Variants in DAND5 observed in about 807,000 individuals in gnomAD.
The protein encoded by DAND5 is DAN domain family member 5.
A neutral mutation model predicts 9.2 loss-of-function variants in DAND5; 8 were observed. The ratio of observed to expected loss-of-function variants is 0.87; its 90% CI spans 0.51 to 1.56. DAND5 has a LOEUF of 1.56. Ranked by LOEUF, DAND5 falls within the 40% of genes most tolerant of loss-of-function variation. The pLI is 0.00. For missense variants in DAND5, 244 were observed against 244.7 expected (o/e 1.00, Z 0.02); for synonymous variants, 95 against 101.1 (o/e 0.94, Z 0.36).
chr19:12,972,056 ATAT>A (rs2011147986), intron 1 of DAND5, among the ~76,000 whole-genome samples: 5 of 108,854 alleles, frequency 4.6e-5, no homozygotes, highest in Non-Finnish European at 4.4e-5. Flanking sequence ...AGCCCAGCTA[ATAT>A]TTTTTTTTTT....
At chr19:12,970,089 T>C in intron 1 of DAND5, 105 bp downstream of exon 1, 2 of 1,346,232 alleles carry the variant, frequency 1.5e-6, no homozygotes, top group Admixed American at 2.4e-5. Flanking sequence ...ATCCTCCACC[T>C]GAATGTCTCG....
At position 12,973,520 on chromosome 19, in the gene DAND5, C is replaced by T. The variant is rs776471948; in HGVS notation, c.456C>T (p.Arg152=). The change falls in exon 2 of 2, where the codon CGC becomes CGT. Residue 152 remains arginine, a synonymous_variant. Transcript: ENST00000317060. Reference sequence around the variant, plus strand: ...TGTGCAACAGCTGTATGCCTGCTCGCAAGCGTTGGGCACCCGTGGTCCTGT... The same window carrying T: ...TGTGCAACAGCTGTATGCCTGCTCGTAAGCGTTGGGCACCCGTGGTCCTGT... ...LVLCNSCMPA[R]KRWAPVVLWC... The T allele has an allele frequency of 3.1e-6, 5 of 1,614,204 alleles. No homozygotes were observed. The highest frequency in any genetic ancestry group is 4.2e-6 in the Non-Finnish European group (5 of 1,180,032).
chr19:12,973,288 T>C (rs2011156122), intron 1 of DAND5, 101 bp from the exon 2 acceptor site: 2 of 1,515,354 alleles, frequency 1.3e-6, no homozygotes, highest in Non-Finnish European at 1.8e-6. Flanking sequence ...GGCTGCAGCA[T>C]CCATGCCTGT....
At chr19:12,972,574 G>T (rs527402139) in intron 1 of DAND5, among the ~76,000 whole-genome samples, 6 of 152,046 alleles carry the variant, frequency 3.9e-5, no homozygotes, top group Admixed American at 2.0e-4. Context: ...ACAGAGTCTC[G>T]CTCTGTTACC....
At chr19:12,972,106 T>C (rs1338787864) in intron 1 of DAND5, among the ~76,000 whole-genome samples, 1 of 150,140 alleles carries the variant, frequency 6.7e-6, no homozygotes, top group Non-Finnish European at 1.5e-5. Context: ...TCGCCCAGGC[T>C]GGAGTGCGGT....
chr19:12,971,145 C>T (rs1041523094), intron 1 of DAND5, among the ~76,000 whole-genome samples: 6 of 152,194 alleles, frequency 3.9e-5, no homozygotes, highest in South Asian at 4.1e-4. Context: ...CTGTTGGATG[C>T]TTCCGGGCTC....
At position 12,973,732 on chromosome 19, in the gene DAND5, CAA is replaced by C; in HGVS notation, c.*99_*100del. On this transcript the variant is annotated 3_prime_UTR_variant, in exon 2 of 2. Coordinates refer to ENST00000317060, the MANE Select transcript of DAND5 (RefSeq NM_152654.3). Reference sequence around the variant, plus strand: ...TGGACCTGGATGATGTACTCTGGGTCAAGAGACCAGGGATGCAGGGTTAGGCA... The same window carrying C: ...TGGACCTGGATGATGTACTCTGGGTCGAGACCAGGGATGCAGGGTTAGGCA... The C allele has an allele frequency of 6.5e-7, 1 of 1,536,004 alleles. No individual in the cohort carries two copies. The highest frequency in any genetic ancestry group is 8.8e-7 in the Non-Finnish European group (1 of 1,142,768).
At chr19:12,971,879 C>A (rs2011146967) in intron 1 of DAND5, among the ~76,000 whole-genome samples, 1 of 151,988 alleles carries the variant, frequency 6.6e-6, no homozygotes, top group South Asian at 2.1e-4. Context: ...GCGTGAGCCA[C>A]CACACCCGGC....
chr19:12,970,791 G>A (rs150975396), intron 1 of DAND5, among the ~76,000 whole-genome samples: 9,190 of 151,392 alleles, frequency 0.061, 886 homozygotes, highest in African/African-American at 0.21. Flanking sequence ...AGTGATTCTC[G>A]TGCCTCAGCC....
chr19:12,969,593 G>A lies in DAND5; in HGVS notation c.-68G>A. The A allele has an allele frequency of 6.7e-7, 1 of 1,503,404 alleles. No homozygotes were observed. Among genetic ancestry groups the A allele is most frequent in the South Asian group, 1.3e-5 (1 of 75,742 alleles). 93.1% of individuals were successfully genotyped at this position (1,503,404 alleles called of 1,614,324 possible). A position where few individuals can be genotyped will look rare whatever the true frequency, so the allele number is the denominator to read the frequency against. ...CAGATGCCACTCACCAGACAGCAGG[G>A]TCGACTGCTAGTGACCTTGAGCCCA... On this transcript the variant is annotated 5_prime_UTR_variant, in exon 1 of 2. Transcript: ENST00000317060.
At chr19:12,973,135 T>C (rs1255872293) in intron 1 of DAND5, among the ~76,000 whole-genome samples, 1 of 152,190 alleles carries the variant, frequency 6.6e-6, no homozygotes, top group Admixed American at 6.6e-5. Flanking sequence ...GTGCTGGGAT[T>C]ACAGGCGTGA....
Position 12,969,897 on chromosome 19 carries a change from T to C in DAND5, c.237T>C (p.Arg79=), listed in dbSNP as rs1376993223. The change falls in exon 1 of 2, where the codon CGT becomes CGC. Residue 79 remains arginine, a synonymous_variant. Transcript: ENST00000317060. ...AGCTGGGGATGGGCAGGCTGCAGCG[T>C]GGGCAAGACGAGGTGGCTGCTGTGA... The part of the protein sequence containing the change: ...ARQLGMGRLQ[R]GQDEVAAVTL... 1.2e-6 allele frequency: 2 copies of C among 1,614,158 alleles called. No homozygotes were observed. The highest frequency in any genetic ancestry group is 2.2e-5 in the East Asian group (1 of 44,888).
intron 1 of DAND5, among the ~76,000 whole-genome samples, chr19:12,971,481 G>A (rs2011145263): frequency 1.3e-5 from 2 of 151,782 alleles, no homozygotes; most frequent in South Asian, 2.1e-4. Context: ...CTTTCACCAT[G>A]TTGGTCAGGC....
chr19:12,974,015 A>G lies in DAND5; in HGVS notation c.*381A>G, dbSNP rs947897088. Reference sequence around the variant, plus strand: ...GTAGCTGGGACTACAGGCACCCGCCAACACGCCCGGCTAATTTTTTGTATT... The same window carrying G: ...GTAGCTGGGACTACAGGCACCCGCCGACACGCCCGGCTAATTTTTTGTATT... On this transcript the variant is annotated 3_prime_UTR_variant, in exon 2 of 2. Transcript: ENST00000317060. 5.1e-5 allele frequency: 10 copies of G among 195,180 alleles called. No homozygotes were observed. Among genetic ancestry groups the G allele is most frequent in the Admixed American group, 1.6e-4 (3 of 18,742 alleles). The allele number at this position is 195,180 out of a possible 1,614,324, so 12.1% of individuals were successfully genotyped here. A position where few individuals can be genotyped will look rare whatever the true frequency, so the allele number is the denominator to read the frequency against.
intron 1 of DAND5, among the ~76,000 whole-genome samples, chr19:12,971,975 T>A (rs960008380): frequency 7.9e-5 from 12 of 151,526 alleles, no homozygotes; most frequent in Admixed American, 7.9e-4. Context: ...ACTGCAGATT[T>A]GAATTCCTAG....
At chr19:12,972,058 ATT>A (rs71168643) in intron 1 of DAND5, among the ~76,000 whole-genome samples, 50,675 of 113,442 alleles carry the variant, frequency 0.45, 9,286 homozygotes, top group Non-Finnish European at 0.56. Context: ...CCCAGCTAAT[ATT>A]TTTTTTTTTT....
At chr19:12,971,339 C>T (rs1482410541) in intron 1 of DAND5, among the ~76,000 whole-genome samples, 7 of 151,782 alleles carry the variant, frequency 4.6e-5, no homozygotes, top group African/African-American at 9.7e-5. Context: ...AGTGCAATGG[C>T]GCGATCTCAG....
rs376183812 is a variant in DAND5 at position 12,969,651 on chromosome 19, G to A, written c.-10G>A. The A allele has an allele frequency of 9.4e-6, 15 of 1,591,102 alleles. No homozygotes were observed. Among genetic ancestry groups the A allele is most frequent in the Admixed American group, 5.3e-5 (3 of 56,076 alleles). On this transcript the variant is annotated 5_prime_UTR_variant, in exon 1 of 2. Transcript: ENST00000317060. ...CAGACAGACAGGCAGACAGACGCAC[G>A]GACAAGCAGATGCTCCTTGGCCAGC...
chr19:12,969,772 A>C lies in DAND5; in HGVS notation c.112A>C (p.Asn38His), dbSNP rs1220180389. Reference protein sequence around the residue: ...SPRPQSWAAANQTWALGPGAL... With the variant: ...SPRPQSWAAAHQTWALGPGAL... ...TCGACCTCAGTCCTGGGCTGCAGCC[A>C]ATCAGACCTGGGCTCTGGGCCCAGG... Residue 38 changes from asparagine to histidine, a missense_variant, in exon 1 of 2, where the codon AAT (asparagine) becomes CAT (histidine). Transcript: ENST00000317060. 5.0e-6 allele frequency: 8 copies of C among 1,588,076 alleles called. No homozygotes were observed. Among genetic ancestry groups the C allele is most frequent in the African/African-American group, 4.0e-5 (3 of 74,140 alleles).
Sources: gnomAD v4.1 joint callset for allele counts (sites outside exome capture counted in the v4.1 genomes callset) on GRCh38, gnomAD v4.1.1 for gene constraint, MANE v1.5 for transcripts, NCBI Gene and HGNC (gene_info 2026-07-23, HGNC 2026-07-21) for gene names.